AFAP1L2: variants seen among roughly 807,000 people sequenced by gnomAD.
AFAP1L2 encodes the protein actin filament associated protein 1 like 2.
In AFAP1L2, 46 loss-of-function variants were observed where a neutral mutation model predicts 99.3. That is an observed-to-expected ratio of 0.46 (90% CI 0.37 to 0.59). AFAP1L2 has a LOEUF of 0.59. Ranked by LOEUF, AFAP1L2 falls within the 20% of genes least tolerant of loss-of-function variation. The probability of loss-of-function intolerance (pLI) is 0.00; values close to 1 mark genes in which losing one functional copy is unlikely to be tolerated. For missense variants in AFAP1L2, 959 were observed against 1,034.9 expected, an observed-to-expected ratio of 0.93 and a Z score of 1.01; for synonymous variants, 397 against 419.1, an observed-to-expected ratio of 0.95 and a Z score of 0.64.
chr10:114,296,914 A>T, intron 18 of AFAP1L2, 64 bp downstream of exon 18: 1 of 1,612,420 alleles, frequency 6.2e-7, no homozygotes, highest in Admixed American at 1.7e-5. Context: ...CTGGGTCAGA[A>T]GATGGGCCCC....
the AFAP1L2 span, chr10:114,285,995 G>T: frequency 6.2e-7 from 1 of 1,613,758 alleles, no homozygotes. Flanking sequence ...GGACAGCTCT[G>T]CGGGCACCAC....
chr10:114,323,614 T>C lies in AFAP1L2; in HGVS notation c.316-353A>G, dbSNP rs190261970. Among the ~76,000 whole-genome samples, 4 of 152,338 alleles carry C rather than the reference T, an allele frequency of 2.6e-5. No individual in the cohort carries two copies. In the East Asian group the frequency reaches 7.7e-4, roughly 29 times the overall value. On this transcript the variant is annotated intron_variant, in intron 4 of 18. Transcript: ENST00000304129. ...GAGTGCCCGGCTGTTGGGATAGCTA[T>C]TGTGGCTTTTAAATAGAATATATTT...
intron 2 of AFAP1L2, among the ~76,000 whole-genome samples, chr10:114,334,363 C>T (rs976478592): frequency 6.6e-6 from 1 of 152,248 alleles, no homozygotes; most frequent in Non-Finnish European, 1.5e-5. Flanking sequence ...ATTTCTTCTG[C>T]AGCCTTAATT....
intron 1 of AFAP1L2, among the ~76,000 whole-genome samples, chr10:114,378,324 T>G (rs1345269606): frequency 6.6e-6 from 1 of 152,178 alleles, no homozygotes; most frequent in Non-Finnish European, 1.5e-5. Flanking sequence ...CCATACCTTA[T>G]TATTCTATTA....
chr10:114,304,528 CG>C (rs2041797682), intron 11 of AFAP1L2, among the ~76,000 whole-genome samples, 190 bp downstream of exon 11: 1 of 152,266 alleles, frequency 6.6e-6, no homozygotes, highest in African/African-American at 2.4e-5. Flanking sequence ...ACTCTTATAA[CG>C]CAACTACTCT....
At chr10:114,404,912 C>T (rs1433180485), upstream of AFAP1L2, among the ~76,000 whole-genome samples, 2 of 152,160 alleles carry the variant, frequency 1.3e-5, no homozygotes, top group African/African-American at 4.8e-5. Context: ...AGGAGGAGAC[C>T]GAGGTCCAAG....
chr10:114,361,886 C>T (rs1407468746), intron 1 of AFAP1L2, among the ~76,000 whole-genome samples: 2 of 152,196 alleles, frequency 1.3e-5, no homozygotes, highest in Non-Finnish European at 2.9e-5. Context: ...TTCTGCACCT[C>T]TTGGATGAGG....
chr10:114,337,624 G>A (rs1410367508), intron 2 of AFAP1L2, among the ~76,000 whole-genome samples: 1 of 152,102 alleles, frequency 6.6e-6, no homozygotes, highest in Non-Finnish European at 1.5e-5. Flanking sequence ...GACTTTATAA[G>A]AGCCGATCAA....
chr10:114,286,283 G>A, the AFAP1L2 span: 7 of 1,610,516 alleles, frequency 4.3e-6, no homozygotes, highest in African/African-American at 9.3e-5. Flanking sequence ...GCCACGTAGA[G>A]TGGTGGTTTT....
At chr10:114,381,641 T>TA (rs1247905882) in intron 1 of AFAP1L2, among the ~76,000 whole-genome samples, 1 of 152,120 alleles carries the variant, frequency 6.6e-6, no homozygotes. Context: ...TTTCTAAGTA[T>TA]AAGCAAAACC....
intron 1 of AFAP1L2, chr10:114,340,979 AC>A: frequency 1.8e-6 from 1 of 558,566 alleles, no homozygotes; most frequent in Non-Finnish European, 3.2e-6. Context: ...TCCCAGCCCT[AC>A]CAGGTGCTGG....
At chr10:114,290,720 TC>T (rs1292124918), downstream of AFAP1L2, among the ~76,000 whole-genome samples, 1 of 140,726 alleles carries the variant, frequency 7.1e-6, no homozygotes, top group Non-Finnish European at 1.5e-5. Context: ...GCACAGTAGA[TC>T]CAGGGTACAG....
chr10:114,300,826 C>A, intron 13 of AFAP1L2, 136 bp from the exon 14 acceptor site: 13 of 1,193,846 alleles, frequency 1.1e-5, no homozygotes, highest in African/African-American at 1.5e-5. Context: ...GCTGGGGGGG[C>A]CACTGGCTGA....
At chr10:114,286,947 C>T in the AFAP1L2 span, among the ~76,000 whole-genome samples, 583 of 152,294 alleles carry the variant, frequency 3.8e-3, 1 homozygote, top group Admixed American at 5.7e-3. Flanking sequence ...CACACATACA[C>T]ACACGGATGC....
rs886973405 is a variant in AFAP1L2 at position 114,319,198 on chromosome 10, T to C, written c.407-3433A>G. Among the ~76,000 whole-genome samples the C allele has an allele frequency of 5.9e-5, 9 of 152,200 alleles. No homozygotes were observed. In the South Asian group the frequency reaches 6.2e-4, roughly 11 times the overall value. Reference sequence around the variant, plus strand: ...AACAGTATGATATTCTTAAAACAGATACTTGGCTTCTAGGAGGGGCAGGGT... The same window carrying C: ...AACAGTATGATATTCTTAAAACAGACACTTGGCTTCTAGGAGGGGCAGGGT... On this transcript the variant is annotated intron_variant, in intron 5 of 18. Coordinates refer to ENST00000304129, the MANE Select transcript of AFAP1L2 (RefSeq NM_001001936.3).
rs376841532 is a variant in AFAP1L2 at position 114,300,551 on chromosome 10, G to T, written c.1682C>A (p.Thr561Lys). ...AGTTGCATTGTCCAGGCAGGACAAC[G>T]TCGGGGAGGAGGCCTGGGCCTGTGC... The part of the protein sequence containing the change: ...SSAQAQASSP[T>K]LSCLDNATEA... The change falls in exon 14 of 19, where the codon ACG (threonine) becomes AAG (lysine). Residue 561 changes from threonine to lysine, a missense_variant. Thr to Lys is a moderately conservative substitution (Grantham distance 78). This residue lies in a region of AFAP1L2 where 576 missense variants were observed against 562.1 expected (regional missense o/e 1.02). Coordinates refer to ENST00000304129, the MANE Select transcript of AFAP1L2 (RefSeq NM_001001936.3). 24 of 1,614,052 alleles carry T rather than the reference G, an allele frequency of 1.5e-5. No individual in the cohort carries two copies. The South Asian group carries it at 2.5e-4, about 17-fold the overall frequency.
intron 1 of AFAP1L2, among the ~76,000 whole-genome samples, chr10:114,365,733 T>TTC (rs1554942833): frequency 2.0e-4 from 30 of 149,862 alleles, no homozygotes; most frequent in Admixed American, 1.6e-3. Flanking sequence ...CTTTTTTTTT[T>TTC]TTTTTCTTCT....
At chr10:114,286,285 G>A in the AFAP1L2 span, 1 of 1,610,384 alleles carries the variant, frequency 6.2e-7, no homozygotes, top group Admixed American at 1.7e-5. Flanking sequence ...CACGTAGAGT[G>A]GTGGTTTTGC....
intron 4 of AFAP1L2, among the ~76,000 whole-genome samples, chr10:114,326,693 T>G (rs185869989): frequency 4.9e-4 from 74 of 152,308 alleles, no homozygotes; most frequent in Non-Finnish European, 8.5e-4. Flanking sequence ...CAGGCTTGAA[T>G]TCTGACACTG....
Sources: gnomAD v4.1 joint callset for allele counts (sites outside exome capture counted in the v4.1 genomes callset) on GRCh38, gnomAD v4.1.1 for gene constraint, gnomAD v4.1.1 regional missense constraint, MANE v1.5 for transcripts, NCBI Gene and HGNC (gene_info 2026-07-23, HGNC 2026-07-21) for gene names.